LAPTM4B: variants seen among roughly 807,000 people sequenced by gnomAD.
The protein encoded by LAPTM4B is lysosomal-associated transmembrane protein 4B.
Under a neutral mutation model 28.5 loss-of-function variants are expected in LAPTM4B, and 26 were observed. That is an observed-to-expected ratio of 0.91 (90% CI 0.67 to 1.27). LAPTM4B has a LOEUF of 1.27. LAPTM4B is among the 50% of genes most tolerant of loss of function. The pLI, the probability that LAPTM4B is intolerant of heterozygous loss-of-function variation, is 0.00. For missense variants in LAPTM4B, 288 were observed against 285.8 expected (o/e 1.01, Z -0.06); for synonymous variants, 109 against 106.4 (o/e 1.02, Z -0.15).
At chr8:97,830,678 A>G (rs909986353) in intron 6 of LAPTM4B, among the ~76,000 whole-genome samples, 1 of 152,150 alleles carries the variant, frequency 6.6e-6, no homozygotes, top group African/African-American at 2.4e-5. Context: ...TCCTGGAGCG[A>G]TGAACCCAGT....
intron 1 of LAPTM4B, among the ~76,000 whole-genome samples, chr8:97,784,739 A>G (rs868357518): frequency 7.2e-5 from 11 of 152,140 alleles, no homozygotes; most frequent in African/African-American, 2.4e-4. Flanking sequence ...CGCCTGGCCA[A>G]TGAAAGCAGT....
chr8:97,795,204 A>G (rs1000937251), intron 1 of LAPTM4B, among the ~76,000 whole-genome samples: 8 of 152,242 alleles, frequency 5.3e-5, no homozygotes, highest in African/African-American at 9.6e-5. Flanking sequence ...AGCTTAGGCA[A>G]TCTACCTGCG....
Position 97,795,502 on chromosome 8 carries a change from C to T in LAPTM4B, c.100-9851C>T, listed in dbSNP as rs143114108. Among the ~76,000 whole-genome samples the T allele has an allele frequency of 7.6e-4, 115 of 152,274 alleles. 1 individual carries two copies. In the East Asian group the frequency reaches 0.016, roughly 21 times the overall value. Reference sequence around the variant, plus strand: ...AAGCAAAGACCCCTGTATCTTATCACTCAAGACTTTCTATTAATGGTTTGC... The same window carrying T: ...AAGCAAAGACCCCTGTATCTTATCATTCAAGACTTTCTATTAATGGTTTGC... On this transcript the variant is annotated intron_variant, in intron 1 of 6. Coordinates refer to ENST00000521545, the MANE Select transcript of LAPTM4B (RefSeq NM_018407.6).
chr8:97,850,299 C>T (rs1053111295), intron 6 of LAPTM4B, among the ~76,000 whole-genome samples: 1 of 151,820 alleles, frequency 6.6e-6, no homozygotes, highest in Admixed American at 6.5e-5. Flanking sequence ...ACAGGCTTTT[C>T]GGGGGCCGGC....
chr8:97,802,330 G>A (rs1376905278), intron 1 of LAPTM4B, among the ~76,000 whole-genome samples: 1 of 152,058 alleles, frequency 6.6e-6, no homozygotes, highest in Admixed American at 6.6e-5. Context: ...GAAAGGGGTG[G>A]GCAATTCCCG....
At chr8:97,837,929 A>G (rs1469687952) in intron 6 of LAPTM4B, among the ~76,000 whole-genome samples, 1 of 152,210 alleles carries the variant, frequency 6.6e-6, no homozygotes, top group Non-Finnish European at 1.5e-5. Flanking sequence ...TTAGTAATTT[A>G]TATAATCTCT....
In LAPTM4B at chr8:97,805,466, T is replaced by A; in HGVS notation, c.211+2T>A. 1 of 1,468,058 alleles carries A rather than the reference T, an allele frequency of 6.8e-7. No individual in the cohort carries two copies. Among genetic ancestry groups the A allele is most frequent in the Non-Finnish European group, 9.5e-7 (1 of 1,049,782 alleles). 90.9% of individuals were successfully genotyped at this position (1,468,058 alleles called of 1,614,324 possible). On this transcript the variant is annotated splice_donor_variant, in intron 2 of 6. Transcript: ENST00000521545. LOFTEE classifies it high-confidence loss of function. ...ACTTTGAGTTCATGGATGATGCCAGTAAGTAGTAGATATTTGGGTATTTTC... is the reference window on the plus strand; with the variant it reads ...ACTTTGAGTTCATGGATGATGCCAGAAAGTAGTAGATATTTGGGTATTTTC...
intron 1 of LAPTM4B, among the ~76,000 whole-genome samples, chr8:97,798,217 G>A (rs1261163808): frequency 1.3e-5 from 2 of 152,128 alleles, no homozygotes; most frequent in African/African-American, 2.4e-5. Context: ...ACTCATGTTT[G>A]ACCTTTTCTA....
intron 1 of LAPTM4B, among the ~76,000 whole-genome samples, chr8:97,796,141 G>A (rs28688462): frequency 0.038 from 5,725 of 152,286 alleles, 363 homozygotes; most frequent in African/African-American, 0.13. Flanking sequence ...GGGATTCACC[G>A]TGTTGGCCAG....
intron 6 of LAPTM4B, among the ~76,000 whole-genome samples, chr8:97,829,272 G>A (rs1817141595): frequency 6.6e-6 from 1 of 152,172 alleles, no homozygotes; most frequent in Non-Finnish European, 1.5e-5. Context: ...GTATAAGCAG[G>A]CAAGAAGAAG....
intron 1 of LAPTM4B, among the ~76,000 whole-genome samples, chr8:97,786,654 G>A (rs541201867): frequency 6.0e-5 from 9 of 151,112 alleles, no homozygotes; most frequent in African/African-American, 1.9e-4. Flanking sequence ...AGCTGAGATC[G>A]TGCCGCTACA....
At chr8:97,837,147 G>A (rs1240754263) in intron 6 of LAPTM4B, among the ~76,000 whole-genome samples, 1 of 151,050 alleles carries the variant, frequency 6.6e-6, no homozygotes, top group African/African-American at 2.4e-5. Context: ...TGGTTGCAAT[G>A]ACTTTCAAAA....
In LAPTM4B at chr8:97,828,488, A is replaced by G. The variant is rs1248034839; in HGVS notation, c.603+3335A>G. ...AAAGGGCCTGTTAGTGGGAGGAGCCATGAAGCTAAGCTAGAGAATGGCCAA... is the reference window on the plus strand; with the variant it reads ...AAAGGGCCTGTTAGTGGGAGGAGCCGTGAAGCTAAGCTAGAGAATGGCCAA... On this transcript the variant is annotated intron_variant, in intron 6 of 6. Transcript: ENST00000521545. Among the ~76,000 whole-genome samples the G allele has an allele frequency of 4.6e-5, 7 of 152,342 alleles. 1 individual carries two copies. Among genetic ancestry groups the G allele is most frequent in the Admixed American group, 6.5e-5 (1 of 15,298 alleles).
At chr8:97,822,212 C>G (rs1436229336) in intron 5 of LAPTM4B, among the ~76,000 whole-genome samples, 1 of 151,638 alleles carries the variant, frequency 6.6e-6, no homozygotes, top group African/African-American at 2.4e-5. Context: ...GCCACAGACT[C>G]ACATCTCACT....
chr8:97,796,528 T>G (rs1040935699), intron 1 of LAPTM4B, among the ~76,000 whole-genome samples: 1 of 152,250 alleles, frequency 6.6e-6, no homozygotes, highest in African/African-American at 2.4e-5. Flanking sequence ...TGTTATTTTA[T>G]GCTTACATTA....
chr8:97,836,835 T>G (rs991427275), intron 6 of LAPTM4B, among the ~76,000 whole-genome samples: 2 of 152,064 alleles, frequency 1.3e-5, no homozygotes, highest in Non-Finnish European at 2.9e-5. Context: ...CTTCAAAAAG[T>G]ATTTTGCTAT....
chr8:97,851,304 T>C, intron 6 of LAPTM4B, 93 bp from the exon 7 acceptor site: 1 of 980,918 alleles, frequency 1.0e-6, no homozygotes, highest in Non-Finnish European at 1.6e-6. Flanking sequence ...TTGTGGAACA[T>C]GTTTAGTTGC....
chr8:97,833,892 G>A (rs1817221660), intron 6 of LAPTM4B, among the ~76,000 whole-genome samples: 1 of 152,016 alleles, frequency 6.6e-6, no homozygotes, highest in African/African-American at 2.4e-5. Flanking sequence ...TTTCCCTCAT[G>A]TACTATTTGG....
intron 1 of LAPTM4B, chr8:97,788,315 G>T: frequency 2.6e-6 from 1 of 380,218 alleles, no homozygotes; most frequent in African/African-American, 2.1e-5. Context: ...TTTTGCTTTT[G>T]TTTCTTGGCC....
Sources: allele counts gnomAD v4.1 joint callset (sites outside exome capture counted in the v4.1 genomes callset), GRCh38; gene constraint gnomAD v4.1.1; transcripts MANE v1.5; gene names NCBI Gene and HGNC (gene_info 2026-07-23, HGNC 2026-07-21).